ZNRF3: variants seen among roughly 807,000 people sequenced by gnomAD.
ZNRF3 encodes the protein E3 ubiquitin-protein ligase ZNRF3.
ZNRF3 carries 23 observed loss-of-function variants against 72.5 expected under a neutral mutation model. The ratio of observed to expected loss-of-function variants is 0.32; its 90% CI spans 0.23 to 0.45. The LOEUF (loss-of-function observed/expected upper bound fraction) is 0.45, where lower values mean the gene tolerates loss of function less well. Ranked by LOEUF, ZNRF3 falls within the 20% of genes least tolerant of loss-of-function variation. ZNRF3 has a pLI of 1.00. For missense variants in ZNRF3, 1,169 were observed against 1,272.1 expected (o/e 0.92, Z 1.23); for synonymous variants, 610 against 545.3 (o/e 1.12, Z -1.65).
intron 2 of ZNRF3, chr22:29,031,353 C>T (rs73882438): frequency 0.034 from 5,236 of 152,688 alleles, 162 homozygotes; most frequent in African/African-American, 0.088. Context: ...CTTCTACCAC[C>T]ACCACCACCC....
intron 8 of ZNRF3, among the ~76,000 whole-genome samples, chr22:29,053,354 T>C (rs942350780): frequency 3.3e-5 from 5 of 152,238 alleles, no homozygotes; most frequent in Non-Finnish European, 5.9e-5. Flanking sequence ...TCGTGCTACC[T>C]GAGGGCTTCT....
chr22:28,897,194 G>C (rs1347464092), intron 1 of ZNRF3, among the ~76,000 whole-genome samples: 1 of 152,204 alleles, frequency 6.6e-6, no homozygotes, highest in Non-Finnish European at 1.5e-5. Flanking sequence ...TTACTACTGA[G>C]CTGTGTGAAG....
intron 2 of ZNRF3, among the ~76,000 whole-genome samples, chr22:28,987,770 G>A (rs962155432): frequency 2.6e-5 from 4 of 152,200 alleles, no homozygotes; most frequent in African/African-American, 9.6e-5. Flanking sequence ...GGTCCATTAA[G>A]TTTTGCTGCC....
chr22:29,049,683 C>T lies in ZNRF3; in HGVS notation c.1502C>T (p.Pro501Leu), dbSNP rs2037146421. The T allele has an allele frequency of 3.1e-6, 5 of 1,607,724 alleles. No homozygotes were observed. In the East Asian group the frequency reaches 6.7e-5, roughly 22 times the overall value. ...CGGGGCCCGGCCCGTGCCTTTCCTCCGAGCGGCAGTGGCAGCCTGCTCTTC... is the reference window on the plus strand; with the variant it reads ...CGGGGCCCGGCCCGTGCCTTTCCTCTGAGCGGCAGTGGCAGCCTGCTCTTC... Reference protein sequence around the residue: ...APRGPARAFPPSGSGSLLFPT... With the variant: ...APRGPARAFPLSGSGSLLFPT... Residue 501 changes from proline to leucine, a missense_variant, in exon 8 of 9, where the codon CCG becomes CTG. Transcript: ENST00000544604. This position sits in a 1 kb window ranked among gnomAD's most constrained non-coding sequence, Gnocchi z 5.2.
intron 2 of ZNRF3, among the ~76,000 whole-genome samples, chr22:29,001,433 T>C (rs2036144295): frequency 6.6e-6 from 1 of 151,852 alleles, no homozygotes; most frequent in Admixed American, 6.6e-5. Context: ...ATCTTTTCAC[T>C]TTCTTGATGA....
In ZNRF3 at chr22:29,050,555, G is replaced by A. The variant is rs200269812; in HGVS notation, c.2374G>A (p.Gly792Arg). The A allele has an allele frequency of 1.1e-5, 18 of 1,609,978 alleles. No individual in the cohort carries two copies. Among genetic ancestry groups the A allele is most frequent in the African/African-American group, 8.0e-5 (6 of 74,968 alleles). Residue 792 changes from glycine to arginine, a missense_variant, in exon 8 of 9, where the codon GGA becomes AGA. Gly to Arg is a moderately radical substitution (Grantham distance 125). Transcript: ENST00000544604. ...AGAGAAGCAGGTGGCCCGCGGGGGC[G>A]GAGGGGGCAGCGGCTGCTACACTGA... ...YEEKQVARGG[G>R]GGSGCYTEDY... is the part of the protein sequence containing the mutation.
At chr22:29,024,286 T>TTTTTTTG (rs1473974313) in intron 2 of ZNRF3, among the ~76,000 whole-genome samples, 1 of 150,018 alleles carries the variant, frequency 6.7e-6, no homozygotes. Context: ...CATTAACTGT[T>TTTTTTTG]TTTTTTTTTT....
intron 1 of ZNRF3, among the ~76,000 whole-genome samples, chr22:28,899,697 T>C (rs1467033875): frequency 4.7e-5 from 7 of 150,344 alleles, no homozygotes; most frequent in South Asian, 2.1e-4. Flanking sequence ...TTCTTTCTTT[T>C]TTTTTTTTTT....
chr22:28,907,107 CGAG>C (rs2034221990), intron 1 of ZNRF3, among the ~76,000 whole-genome samples: 2 of 151,526 alleles, frequency 1.3e-5, no homozygotes, highest in Non-Finnish European at 2.9e-5. Context: ...CTCAGCCTCC[CGAG>C]TAGCTGGGAC....
At chr22:28,953,166 G>A (rs2035195927) in intron 1 of ZNRF3, among the ~76,000 whole-genome samples, 1 of 152,244 alleles carries the variant, frequency 6.6e-6, no homozygotes, top group Non-Finnish European at 1.5e-5. Context: ...GCAGCGTGCA[G>A]TGCTATGTGC....
intron 2 of ZNRF3, among the ~76,000 whole-genome samples, chr22:29,029,508 AG>A (rs2036705968): frequency 6.6e-6 from 1 of 152,180 alleles, no homozygotes. Context: ...GAATCAGGAG[AG>A]GAGCTCCAGA....
intron 1 of ZNRF3, among the ~76,000 whole-genome samples, chr22:28,962,914 A>G (rs1287536399): frequency 7.2e-5 from 11 of 152,152 alleles, no homozygotes; most frequent in Admixed American, 7.2e-4. Flanking sequence ...TTTTATGCAC[A>G]GTGGCTTGTA....
At chr22:28,967,261 T>C (rs1022716648) in intron 1 of ZNRF3, among the ~76,000 whole-genome samples, 4 of 152,358 alleles carry the variant, frequency 2.6e-5, no homozygotes, top group African/African-American at 9.6e-5. Flanking sequence ...TTTACCATGG[T>C]GTTACAGTTG....
intron 1 of ZNRF3, among the ~76,000 whole-genome samples, chr22:28,887,206 A>C (rs913901564): frequency 6.8e-6 from 1 of 147,246 alleles, no homozygotes; most frequent in African/African-American, 2.6e-5. Context: ...CCCCCTCCTT[A>C]TTATATGCCA....
At position 29,049,920 on chromosome 22, in the gene ZNRF3, A is replaced by G. The variant is rs774289070; in HGVS notation, c.1739A>G (p.Tyr580Cys). The G allele has an allele frequency of 5.0e-6, 8 of 1,607,446 alleles. No homozygotes were observed. In the Admixed American group the frequency reaches 1.2e-4, roughly 24 times the overall value. Residue 580 changes from tyrosine to cysteine, a missense_variant, in exon 8 of 9, where the codon TAC (tyrosine) becomes TGC (cysteine). Tyr to Cys is a radical substitution (Grantham distance 194, BLOSUM62 -2). This residue lies in a region of ZNRF3 where 783 missense variants were observed against 731.4 expected (regional missense o/e 1.07). Coordinates refer to ENST00000544604, the MANE Select transcript of ZNRF3 (RefSeq NM_001206998.2). The surrounding 1 kb of genome is among the most constrained non-coding windows in gnomAD (Gnocchi z 5.2). ...ACTGAGGTCAGCAACCAGGGCGTGT[A>G]CGGGAGCTGCTCCACCTTCCGCAGC... ...DCTEVSNQGV[Y>C]GSCSTFRSSL...
chr22:29,049,421 G>T lies in ZNRF3; in HGVS notation c.1240G>T (p.Ala414Ser), dbSNP rs772230142. Residue 414 changes from alanine (A) to serine (S), a missense_variant, in exon 8 of 9, where the codon GCC becomes TCC. Physicochemically the swap from Ala to Ser is moderately conservative, Grantham distance 99. Coordinates refer to ENST00000544604, the MANE Select transcript of ZNRF3 (RefSeq NM_001206998.2). This position sits in a 1 kb window ranked among gnomAD's most constrained non-coding sequence, Gnocchi z 5.2. ...EQSLYSPQTP[A>S]YIRSYPPLHL... is the part of the protein sequence containing the mutation. The stretch of plus-strand genomic sequence containing the variant: ...GAGCCTCTATTCCCCGCAGACCCCC[G>T]CCTACATCCGCAGCTACCCACCCCT... The T allele has an allele frequency of 1.2e-6, 2 of 1,606,978 alleles. No homozygotes were observed. The highest frequency in any genetic ancestry group is 2.2e-5 in the East Asian group (1 of 44,844).
At chr22:28,914,237 G>C (rs918630184) in intron 1 of ZNRF3, among the ~76,000 whole-genome samples, 3 of 152,138 alleles carry the variant, frequency 2.0e-5, no homozygotes, top group African/African-American at 7.2e-5. Flanking sequence ...CTTGAGCTTG[G>C]CTATCTGGTT....
At chr22:28,893,500 C>CTTT (rs796094872) in intron 1 of ZNRF3, among the ~76,000 whole-genome samples, 1 of 141,862 alleles carries the variant, frequency 7.0e-6, no homozygotes, top group Non-Finnish European at 1.5e-5. Context: ...CTTTCTTTTT[C>CTTT]TTTTTTTTTT....
At position 29,050,363 on chromosome 22, in the gene ZNRF3, G is replaced by C. The variant is rs1462460795; in HGVS notation, c.2182G>C (p.Ala728Pro). The C allele has an allele frequency of 8.1e-6, 13 of 1,603,700 alleles. No individual in the cohort carries two copies. The highest frequency in any genetic ancestry group is 1.0e-5 in the Non-Finnish European group (12 of 1,175,468). Residue 728 changes from alanine to proline, a missense_variant, in exon 8 of 9, where the codon GCT becomes CCT. This residue lies in a region of ZNRF3 where 783 missense variants were observed against 731.4 expected (regional missense o/e 1.07). Coordinates refer to ENST00000544604, the MANE Select transcript of ZNRF3 (RefSeq NM_001206998.2). The part of the protein sequence containing the change: ...PSPAGPSAGA[A>P]GSSTLFLGPH... ...CCCAGCCGGGCCTAGCGCCGGAGCA[G>C]CTGGCAGCAGCACCTTGTTCCTGGG... is the stretch of plus-strand genomic sequence containing the variant.
Sources: allele counts gnomAD v4.1 joint callset (sites outside exome capture counted in the v4.1 genomes callset), GRCh38; gene constraint gnomAD v4.1.1; regional missense constraint gnomAD v4.1.1; non-coding constraint Gnocchi (gnomAD v3.1); transcripts MANE v1.5; gene names NCBI Gene and HGNC (gene_info 2026-07-23, HGNC 2026-07-21).